Variants in ARHGAP6 observed in about 807,000 individuals in gnomAD.
ARHGAP6 encodes the protein Rho GTPase activating protein 6.
Under a neutral mutation model 55.7 loss-of-function variants are expected in ARHGAP6, and 16 were observed. The ratio of observed to expected loss-of-function variants is 0.29; its 90% CI spans 0.19 to 0.44. ARHGAP6 has a LOEUF of 0.44. Among genes scored for constraint, ARHGAP6 ranks in the 20% least tolerant of loss-of-function variants. ARHGAP6 has a pLI of 1.00. For synonymous variants in ARHGAP6, 382 were observed against 360.9 expected (o/e 1.06, Z -0.66); for missense variants, 698 against 808.9 (o/e 0.86, Z 1.66).
At chrX:11,517,054 A>T (rs1334243693) in intron 1 of ARHGAP6, among the ~76,000 whole-genome samples, 1 of 112,127 alleles carries the variant, frequency 8.9e-6, no homozygotes, top group African/African-American at 3.2e-5. Context: ...AAAATAATGA[A>T]ATCTCAGAGG....
chrX:11,535,235 T>C (rs1222810886), intron 1 of ARHGAP6, among the ~76,000 whole-genome samples: 1 of 111,852 alleles, frequency 8.9e-6, no homozygotes, highest in Non-Finnish European at 1.9e-5. Flanking sequence ...GTGTTATGTC[T>C]GCCCCCATTA....
chrX:11,583,435 A>G (rs944145949), intron 1 of ARHGAP6, among the ~76,000 whole-genome samples: 4 of 112,429 alleles, frequency 3.6e-5, no homozygotes, highest in African/African-American at 1.3e-4. Context: ...CAGGAAACAT[A>G]TGGCCTACAC....
chrX:11,185,822 AT>A (rs1002350846), intron 5 of ARHGAP6, among the ~76,000 whole-genome samples: 21 of 108,832 alleles, frequency 1.9e-4, no homozygotes, highest in East Asian at 8.6e-4. Context: ...TGATTCCCCA[AT>A]TTTTTTTTTA....
intron 2 of ARHGAP6, among the ~76,000 whole-genome samples, chrX:11,242,458 T>C (rs1468442583): frequency 3.6e-5 from 4 of 112,090 alleles, no homozygotes; most frequent in Non-Finnish European, 5.6e-5. Context: ...GATTTTTTTT[T>C]CAAAGCTTTC....
At chrX:11,427,425 C>T (rs2049893657) in intron 1 of ARHGAP6, 2 of 831,316 alleles carry the variant, frequency 2.4e-6, no homozygotes, top group South Asian at 5.6e-5. Flanking sequence ...ACGTACCCGG[C>T]CACCCGCCAC....
chrX:11,602,936 G>A (rs951295329), intron 1 of ARHGAP6, among the ~76,000 whole-genome samples: 3 of 112,143 alleles, frequency 2.7e-5, no homozygotes, highest in Non-Finnish European at 3.8e-5. Flanking sequence ...CCAGAACACC[G>A]GATGTGTCTG....
intron 1 of ARHGAP6, among the ~76,000 whole-genome samples, chrX:11,602,822 G>C (rs935540613): frequency 8.9e-6 from 1 of 112,238 alleles, no homozygotes; most frequent in Non-Finnish European, 1.9e-5. Flanking sequence ...ATTGACACTG[G>C]AGGATACTGG....
chrX:11,555,286 T>C (rs1287931394), intron 1 of ARHGAP6, among the ~76,000 whole-genome samples: 1 of 111,724 alleles, frequency 9.0e-6, no homozygotes, highest in Non-Finnish European at 1.9e-5. Flanking sequence ...TCAGTCGAGA[T>C]GGAGTGAGCA....
intron 1 of ARHGAP6, among the ~76,000 whole-genome samples, chrX:11,420,893 C>T (rs188719009): frequency 4.5e-5 from 5 of 112,199 alleles, no homozygotes; most frequent in African/African-American, 1.6e-4. Flanking sequence ...GGTATTCTGG[C>T]TAAATCAGAA....
At chrX:11,206,625 T>G (rs1189431604) in intron 2 of ARHGAP6, among the ~76,000 whole-genome samples, 7 of 111,346 alleles carry the variant, frequency 6.3e-5, no homozygotes, top group African/African-American at 2.0e-4. Context: ...CTTTAGAAAA[T>G]TATAGGTTTT....
rs1012509245 is a variant in ARHGAP6, at chrX:11,620,952, G to A, written c.588+43289C>T. Reference sequence around the variant, plus strand: ...CTAAAAACCTACAGATTTAAAAGACGTCAACACAGCCTCTGTCTAGACAAA... The same window carrying A: ...CTAAAAACCTACAGATTTAAAAGACATCAACACAGCCTCTGTCTAGACAAA... On this transcript the variant is annotated intron_variant, in intron 1 of 12. Coordinates refer to ENST00000337414, the MANE Select transcript of ARHGAP6 (RefSeq NM_013427.3). Among the ~76,000 whole-genome samples, 3 of 112,226 alleles carry A rather than the reference G, an allele frequency of 2.7e-5. No homozygotes were observed. In the Admixed American group the frequency reaches 2.8e-4, roughly 11 times the overall value.
chrX:11,320,237 T>C (rs926329138), intron 1 of ARHGAP6, among the ~76,000 whole-genome samples: 1 of 111,804 alleles, frequency 8.9e-6, no homozygotes, highest in Non-Finnish European at 1.9e-5. Context: ...ATGCCAACCC[T>C]AACCTAAATA....
intron 1 of ARHGAP6, among the ~76,000 whole-genome samples, chrX:11,482,705 G>T (rs2050468665): frequency 9.0e-6 from 1 of 111,372 alleles, no homozygotes; most frequent in African/African-American, 3.3e-5. Flanking sequence ...GCTCTAACAG[G>T]CTCTTACTCC....
At position 11,468,039 on chromosome X, in the gene ARHGAP6, T is replaced by C. The variant is rs183069153; in HGVS notation, c.588+196202A>G. Among the ~76,000 whole-genome samples the C allele has an allele frequency of 3.7e-3, 400 of 108,973 alleles. 2 individuals carry two copies. The highest frequency in any genetic ancestry group is 0.012 in the African/African-American group (356 of 29,862). 94.6% of individuals were successfully genotyped at this position (108,973 alleles called of 115,157 possible). A position where few individuals can be genotyped will look rare whatever the true frequency, so the allele number is the denominator to read the frequency against. On this transcript the variant is annotated intron_variant, in intron 1 of 12. Transcript: ENST00000337414. Reference sequence around the variant, plus strand: ...ATAAATAAATAAATAAATAAATAAATGGCCAAAGCTAACTGATGGTGGTAG... The same window carrying C: ...ATAAATAAATAAATAAATAAATAAACGGCCAAAGCTAACTGATGGTGGTAG...
intron 2 of ARHGAP6, among the ~76,000 whole-genome samples, chrX:11,214,619 C>T (rs1380278532): frequency 3.5e-5 from 4 of 113,200 alleles, no homozygotes; most frequent in African/African-American, 9.6e-5. Context: ...GGGACAGAGA[C>T]CTCAGAAAGC....
intron 1 of ARHGAP6, among the ~76,000 whole-genome samples, chrX:11,615,283 C>G (rs775457028): frequency 6.2e-4 from 69 of 111,779 alleles, no homozygotes; most frequent in African/African-American, 2.0e-3. Context: ...TTTCCAAGCA[C>G]CACTTCCATC....
intron 1 of ARHGAP6, chrX:11,298,188 A>G: frequency 8.3e-7 from 1 of 1,208,504 alleles, no homozygotes; most frequent in South Asian, 1.8e-5. Flanking sequence ...TCTATATTGG[A>G]TGAAAGTAAA....
chrX:11,265,014 C>T (rs968833113), intron 1 of ARHGAP6, among the ~76,000 whole-genome samples: 1 of 112,053 alleles, frequency 8.9e-6, no homozygotes, highest in Non-Finnish European at 1.9e-5. Flanking sequence ...GACTCATAAC[C>T]ACTATATGTA....
chrX:11,182,635 CT>C lies in ARHGAP6; in HGVS notation c.1274-518del, dbSNP rs1043810466. Among the ~76,000 whole-genome samples the C allele has an allele frequency of 4.2e-3, 347 of 83,104 alleles. 1 individual carries two copies. Among genetic ancestry groups the C allele is most frequent in the African/African-American group, 0.011 (234 of 22,223 alleles). The allele number at this position is 83,104 out of a possible 115,157, so 72.2% of individuals were successfully genotyped here. A position where few individuals can be genotyped will look rare whatever the true frequency, so the allele number is the denominator to read the frequency against. ...CTTTCTTTCTTTTTTTTCCTTTTTTCTTTTTTTTTTTTTTTTTTGAGATAGA... is the reference window on the plus strand; with the variant it reads ...CTTTCTTTCTTTTTTTTCCTTTTTTCTTTTTTTTTTTTTTTTTGAGATAGA... On this transcript the variant is annotated intron_variant, in intron 5 of 12. Transcript: ENST00000337414.
Sources: gnomAD v4.1 joint callset for allele counts (sites outside exome capture counted in the v4.1 genomes callset) on GRCh38, gnomAD v4.1.1 for gene constraint, MANE v1.5 for transcripts, NCBI Gene and HGNC (gene_info 2026-07-23, HGNC 2026-07-21) for gene names.